FER1L5: variants seen among roughly 807,000 people sequenced by gnomAD.
FER1L5 encodes the protein fer-1 like family member 5.
In FER1L5, 187 loss-of-function variants were observed where a neutral mutation model predicts 279.9. The observed-to-expected ratio is 0.67, with a 90% CI of 0.59 to 0.75. The LOEUF is 0.75. FER1L5 is among the 30% of genes least tolerant of loss of function. The pLI, the probability that FER1L5 is intolerant of heterozygous loss-of-function variation, is 0.00. For missense variants in FER1L5, 2,091 were observed against 2,594.4 expected (o/e 0.81, Z 4.21); for synonymous variants, 921 against 989.7 (o/e 0.93, Z 1.30).
intron 14 of FER1L5, among the ~76,000 whole-genome samples, chr2:96,668,035 A>G (rs1041943896): frequency 4.6e-5 from 7 of 151,712 alleles, no homozygotes; most frequent in African/African-American, 1.5e-4. Flanking sequence ...TAATTTTTGT[A>G]TTTTTTGTAG....
chr2:96,649,600 G>A, intron 4 of FER1L5, 23 bp from the exon 5 acceptor site: 4 of 1,550,830 alleles, frequency 2.6e-6, no homozygotes, highest in Non-Finnish European at 3.5e-6. Context: ...CTGGCTTACA[G>A]CTCCCTTGCC....
Position 96,667,602 on chromosome 2 carries a change from C to T in FER1L5, c.1141-1149C>T, listed in dbSNP as rs1366512804. On this transcript the variant is annotated intron_variant, in intron 14 of 52. Coordinates refer to ENST00000624922, the MANE Select transcript of FER1L5 (RefSeq NM_001293083.2). ...CCTCAGGTGATCTGCCCGCCTCGGC[C>T]TCCCAAAGTGCTGGGATTACAGGCA... is the stretch of plus-strand genomic sequence containing the variant. 2.6e-5 allele frequency among the ~76,000 whole-genome samples: 4 copies of T among 152,178 alleles called. No individual in the cohort carries two copies. The East Asian group carries it at 7.7e-4, about 29-fold the overall frequency.
At chr2:96,679,390 A>AT (rs1186522321) in intron 19 of FER1L5, among the ~76,000 whole-genome samples, 6 of 151,936 alleles carry the variant, frequency 3.9e-5, no homozygotes, top group African/African-American at 1.5e-4. Context: ...CGCCCAGCTA[A>AT]TTTTTCTATT....
intron 9 of FER1L5, among the ~76,000 whole-genome samples, chr2:96,657,254 T>C (rs1391207045): frequency 6.6e-6 from 1 of 151,858 alleles, no homozygotes; most frequent in Non-Finnish European, 1.5e-5. Context: ...TTTGTATTTT[T>C]AGTGGAGATG....
chr2:96,647,820 A>C lies in FER1L5; in HGVS notation c.273A>C (p.Lys91Asn), dbSNP rs1198044561. ...CAGTACTGCTCAAGCCATTGTTGAAACAACCAAGTGAGGTCCTTTTTGTGA... is the reference window on the plus strand; with the variant it reads ...CAGTACTGCTCAAGCCATTGTTGAACCAACCAAGTGAGGTCCTTTTTGTGA... Reference protein sequence around the residue: ...LATVLLKPLLKQPSEVLFVKD... With the variant: ...LATVLLKPLLNQPSEVLFVKD... The change falls in exon 4 of 53, where the codon AAA (lysine) becomes AAC (asparagine). Residue 91 changes from lysine (K) to asparagine (N), a missense_variant. Transcript: ENST00000624922. The C allele has an allele frequency of 9.7e-6, 15 of 1,551,780 alleles. No homozygotes were observed. Among genetic ancestry groups the C allele is most frequent in the Non-Finnish European group, 1.3e-5 (15 of 1,147,016 alleles).
chr2:96,698,968 C>T lies in FER1L5; in HGVS notation c.4519-77C>T. ...GTGTGGTGCGAGGGGCTTGTTTCCACCCTCCTCCCACCCTCCCTGACAAAC... is the reference window on the plus strand; with the variant it reads ...GTGTGGTGCGAGGGGCTTGTTTCCATCCTCCTCCCACCCTCCCTGACAAAC... On this transcript the variant is annotated intron_variant, in intron 41 of 52. Transcript: ENST00000624922. The surrounding 1 kb of genome is among the most constrained non-coding windows in gnomAD (Gnocchi z 5.5). 3 of 1,534,180 alleles carry T rather than the reference C, an allele frequency of 2.0e-6. No individual in the cohort carries two copies. The highest frequency in any genetic ancestry group is 2.4e-5 in the South Asian group (2 of 83,766).
Position 96,689,633 on chromosome 2 carries a change from A to G in FER1L5, c.2526-11A>G, listed in dbSNP as rs2077064361. 6.5e-7 allele frequency: 1 copy of G among 1,548,412 alleles called. No individual in the cohort carries two copies. ...AGTTGTGCTGGGAACTTGGGGTCTC[A>G]TTACCCCCAGGCTCCTCCTGGACAT... is the stretch of plus-strand genomic sequence containing the variant. On this transcript the variant is annotated splice_polypyrimidine_tract_variant and intron_variant, in intron 25 of 52. Coordinates refer to ENST00000624922, the MANE Select transcript of FER1L5 (RefSeq NM_001293083.2). The surrounding 1 kb of genome is among the most constrained non-coding windows in gnomAD (Gnocchi z 4.6).
Position 96,689,493 on chromosome 2 carries a change from T to G in FER1L5, c.2525+117T>G. 6.7e-7 allele frequency: 1 copy of G among 1,481,854 alleles called. No homozygotes were observed. The highest frequency in any genetic ancestry group is 9.1e-7 in the Non-Finnish European group (1 of 1,095,260). The allele number at this position is 1,481,854 out of a possible 1,614,324, so 91.8% of individuals were successfully genotyped here. A position where few individuals can be genotyped will look rare whatever the true frequency, so the allele number is the denominator to read the frequency against. ...TAAGCCTGGTGCCAGAGGGCCGAGG[T>G]GCACCAGGCCAAGGGCCCTGCCCAC... On this transcript the variant is annotated intron_variant, in intron 25 of 52. Transcript: ENST00000624922. This position sits in a 1 kb window ranked among gnomAD's most constrained non-coding sequence, Gnocchi z 4.6.
At chr2:96,679,116 AG>A (rs1391910924) in intron 19 of FER1L5, among the ~76,000 whole-genome samples, 1 of 151,862 alleles carries the variant, frequency 6.6e-6, no homozygotes, top group African/African-American at 2.4e-5. Flanking sequence ...ACACTTTGGG[AG>A]GCTGAGGCAG....
In FER1L5 at chr2:96,702,811, C is replaced by A; in HGVS notation, c.5397+70C>A. Reference sequence around the variant, plus strand: ...ACCCAGGCTCCTGGAGCTCCTCCCCCCACCCCTCCAGAGGCTTGCAATCTG... The same window carrying A: ...ACCCAGGCTCCTGGAGCTCCTCCCCACACCCCTCCAGAGGCTTGCAATCTG... On this transcript the variant is annotated intron_variant, in intron 48 of 52. Coordinates refer to ENST00000624922, the MANE Select transcript of FER1L5 (RefSeq NM_001293083.2). The surrounding 1 kb of genome is among the most constrained non-coding windows in gnomAD (Gnocchi z 4.0). 1.3e-6 allele frequency: 2 copies of A among 1,582,966 alleles called. No homozygotes were observed. Among genetic ancestry groups the A allele is most frequent in the Non-Finnish European group, 1.7e-6 (2 of 1,165,216 alleles).
At position 96,702,765 on chromosome 2, in the gene FER1L5, G is replaced by A; in HGVS notation, c.5397+24G>A. ...AGGTAACAGGCCTGGGGCGTGAGGGGCAACAGGCCACAACAAACAGACCCA... is the reference window on the plus strand; with the variant it reads ...AGGTAACAGGCCTGGGGCGTGAGGGACAACAGGCCACAACAAACAGACCCA... On this transcript the variant is annotated intron_variant, in intron 48 of 52. Coordinates refer to ENST00000624922, the MANE Select transcript of FER1L5 (RefSeq NM_001293083.2). This position sits in a 1 kb window ranked among gnomAD's most constrained non-coding sequence, Gnocchi z 4.0. 6.2e-7 allele frequency: 1 copy of A among 1,610,410 alleles called. No homozygotes were observed. Among genetic ancestry groups the A allele is most frequent in the East Asian group, 2.2e-5 (1 of 44,754 alleles).
At chr2:96,686,866 A>C (rs1183887083) in intron 23 of FER1L5, among the ~76,000 whole-genome samples, 7 of 151,508 alleles carry the variant, frequency 4.6e-5, no homozygotes, top group African/African-American at 1.5e-4. Flanking sequence ...AAAAAAAAAA[A>C]AAAAAAAAAA....
In FER1L5 at chr2:96,703,064, C is replaced by A. The variant is rs543109608; in HGVS notation, c.5484C>A (p.Pro1828=). The A allele has an allele frequency of 1.2e-6, 2 of 1,613,608 alleles. No homozygotes were observed. Among genetic ancestry groups the A allele is most frequent in the African/African-American group, 2.7e-5 (2 of 75,024 alleles). Residue 1828 remains proline (P), a synonymous_variant, in exon 49 of 53, where the codon CCC becomes CCA. Coordinates refer to ENST00000624922, the MANE Select transcript of FER1L5 (RefSeq NM_001293083.2). Reference sequence around the variant, plus strand: ...TCTGGGACAATGACATCTTCTCCCCCGACGACTTCCTAGGTGAGGTCCTGA... The same window carrying A: ...TCTGGGACAATGACATCTTCTCCCCAGACGACTTCCTAGGTGAGGTCCTGA... ...IQVWDNDIFS[P]DDFLGVLELD... is the part of the protein sequence containing the mutation.
intron 9 of FER1L5, among the ~76,000 whole-genome samples, chr2:96,657,949 C>T (rs1209253856): frequency 6.6e-6 from 1 of 151,900 alleles, no homozygotes; most frequent in African/African-American, 2.4e-5. Context: ...GTTTTAATTT[C>T]TCTTGGGAAA....
chr2:96,659,303 T>C (rs919457846), intron 9 of FER1L5, among the ~76,000 whole-genome samples: 6 of 35,732 alleles, frequency 1.7e-4, no homozygotes, highest in Non-Finnish European at 3.0e-4. Flanking sequence ...CCTTCCTTCC[T>C]TCCTTCCTTC....
intron 4 of FER1L5, among the ~76,000 whole-genome samples, chr2:96,648,786 C>A (rs913647183): frequency 1.3e-5 from 2 of 152,138 alleles, no homozygotes; most frequent in Admixed American, 1.3e-4. Context: ...TGTGGTTTGG[C>A]CATTGTCCAT....
intron 19 of FER1L5, among the ~76,000 whole-genome samples, chr2:96,674,129 C>T (rs1484726705): frequency 6.6e-6 from 1 of 152,226 alleles, no homozygotes; most frequent in Non-Finnish European, 1.5e-5. Context: ...AACATTTCCT[C>T]ATCCGGAAAA....
At chr2:96,659,362 C>CTTCCTTCTTTCCTTCT (rs2075784306) in intron 9 of FER1L5, among the ~76,000 whole-genome samples, 1 of 61,286 alleles carries the variant, frequency 1.6e-5, no homozygotes. Flanking sequence ...TCCTTCCTTC[C>CTTCCTTCTTTCCTTCT]TTCTTTCTTT....
rs2077715718 is a variant in FER1L5, at chr2:96,704,534, A to G, written c.6016A>G (p.Ile2006Val). The G allele has an allele frequency of 6.2e-7, 1 of 1,613,846 alleles. No individual in the cohort carries two copies. The highest frequency in any genetic ancestry group is 8.5e-7 in the Non-Finnish European group (1 of 1,179,878). ...QLYPPIKIFN[I>V]INSLNTSNAS... is the part of the protein sequence containing the mutation. ...GTATCCTCCCATTAAAATATTCAAT[A>G]TCATCAATTCACTAAACACCAGCAA... is the stretch of plus-strand genomic sequence containing the variant. The change falls in exon 53 of 53, where the codon ATC becomes GTC. Residue 2006 changes from isoleucine to valine, a missense_variant. By Grantham distance (29) the Ile-to-Val change is conservative (BLOSUM62 3). Transcript: ENST00000624922.
Sources: gnomAD v4.1 joint callset for allele counts (sites outside exome capture counted in the v4.1 genomes callset) on GRCh38, gnomAD v4.1.1 for gene constraint, Gnocchi (gnomAD v3.1) non-coding constraint, MANE v1.5 for transcripts, NCBI Gene and HGNC (gene_info 2026-07-23, HGNC 2026-07-21) for gene names.